ABCD3: variants seen among roughly 807,000 people sequenced by gnomAD.
The protein encoded by ABCD3 is ATP-binding cassette sub-family D member 3.
In ABCD3, 41 loss-of-function variants were observed where a neutral mutation model predicts 105.5. The ratio of observed to expected loss-of-function variants is 0.39; its 90% CI spans 0.30 to 0.50. The LOEUF (loss-of-function observed/expected upper bound fraction) is 0.50, where lower values mean the gene tolerates loss of function less well. ABCD3 is among the 20% of genes least tolerant of loss of function. The pLI is 0.84. For missense variants in ABCD3, 622 were observed against 806.3 expected (o/e 0.77, Z 2.77); for synonymous variants, 258 against 269.0 (o/e 0.96, Z 0.40).
intron 1 of ABCD3, among the ~76,000 whole-genome samples, chr1:94,433,151 C>A (rs376159055): frequency 2.4e-4 from 36 of 150,818 alleles, no homozygotes; most frequent in African/African-American, 8.8e-4. Context: ...CCACAACGCC[C>A]AGCCTTTTTT....
At chr1:94,390,892 T>C in the ABCD3 span, among the ~76,000 whole-genome samples, 1 of 152,204 alleles carries the variant, frequency 6.6e-6, no homozygotes. Context: ...CATCTATCAC[T>C]TGGCTTCTCT....
chr1:94,441,292 TTAATC>T (rs1660125100), intron 1 of ABCD3, among the ~76,000 whole-genome samples: 2 of 152,174 alleles, frequency 1.3e-5, no homozygotes, highest in Non-Finnish European at 2.9e-5. Flanking sequence ...AAATGCAAAT[TTAATC>T]TATACTAAGA....
At chr1:94,497,093 T>C (rs1649860237) in intron 16 of ABCD3, among the ~76,000 whole-genome samples, 1 of 152,126 alleles carries the variant, frequency 6.6e-6, no homozygotes. Flanking sequence ...TTCAATAAAG[T>C]CTGCTCTGAC....
rs555889017 is a variant in ABCD3, at chr1:94,486,619, C to T, written c.898-923C>T. Among the ~76,000 whole-genome samples, 352 of 152,206 alleles carry T rather than the reference C, an allele frequency of 2.3e-3. 3 individuals are homozygous for T. The highest frequency in any genetic ancestry group is 2.0e-3 in the Non-Finnish European group (137 of 68,004). On this transcript the variant is annotated intron_variant, in intron 10 of 22. Coordinates refer to ENST00000370214, the MANE Select transcript of ABCD3 (RefSeq NM_002858.4). ...GTATAATTTCAGGTAGTAATGAATT[C>T]GGTGGCCAAAAATGAAGCAGGATAA...
the ABCD3 span, among the ~76,000 whole-genome samples, chr1:94,404,849 G>T: frequency 6.7e-6 from 1 of 148,628 alleles, no homozygotes; most frequent in Non-Finnish European, 1.5e-5. Flanking sequence ...TCAGTTCCTA[G>T]AAATCTTCCC....
At chr1:94,386,757 G>T in the ABCD3 span, among the ~76,000 whole-genome samples, 2 of 152,194 alleles carry the variant, frequency 1.3e-5, no homozygotes, top group African/African-American at 2.4e-5. Context: ...AGAAGGCTGA[G>T]GCCAGGAGGA....
At chr1:94,447,979 C>T (rs1660422171) in intron 1 of ABCD3, among the ~76,000 whole-genome samples, 1 of 152,154 alleles carries the variant, frequency 6.6e-6, no homozygotes, top group African/African-American at 2.4e-5. Context: ...TGGCAATTAA[C>T]AAAAGAAGCT....
chr1:94,466,986 T>C (rs139750462), intron 3 of ABCD3, among the ~76,000 whole-genome samples: 68 of 152,302 alleles, frequency 4.5e-4, no homozygotes, highest in African/African-American at 1.5e-3. Flanking sequence ...GGGGTTGGGG[T>C]GGCAGGATTC....
chr1:94,399,235 C>T, the ABCD3 span, among the ~76,000 whole-genome samples: 2 of 152,188 alleles, frequency 1.3e-5, no homozygotes, highest in African/African-American at 4.8e-5. Context: ...AGGAGATTAG[C>T]AGTCAACTTG....
upstream of ABCD3, among the ~76,000 whole-genome samples, chr1:94,414,337 A>T (rs944060082): frequency 1.3e-5 from 2 of 152,002 alleles, no homozygotes; most frequent in Non-Finnish European, 2.9e-5. Context: ...CAATGTAAAA[A>T]TTTTCTTCCT....
Position 94,518,575 on chromosome 1 carries a change from G to A in ABCD3, c.*1446G>A, listed in dbSNP as rs2101079936. On this transcript the variant is annotated 3_prime_UTR_variant, in exon 23 of 23. Coordinates refer to ENST00000370214, the MANE Select transcript of ABCD3 (RefSeq NM_002858.4). The stretch of plus-strand genomic sequence containing the variant: ...TATTCTGGTATCTAAATACTGAGAA[G>A]TTCATTTATAATTCAGCCTTGACTT... The A allele has an allele frequency of 6.7e-6, 1 of 150,234 alleles. No homozygotes were observed. Among genetic ancestry groups the A allele is most frequent in the Admixed American group, 6.7e-5 (1 of 14,958 alleles). The allele number at this position is 150,234 out of a possible 1,614,324, so 9.3% of individuals were successfully genotyped here.
upstream of ABCD3, among the ~76,000 whole-genome samples, chr1:94,415,013 G>C (rs769014402): frequency 2.0e-5 from 3 of 152,190 alleles, no homozygotes; most frequent in Non-Finnish European, 2.9e-5. Context: ...CCACTCCCAT[G>C]GCTAGCAAGC....
At chr1:94,405,876 T>A in the ABCD3 span, among the ~76,000 whole-genome samples, 1 of 152,180 alleles carries the variant, frequency 6.6e-6, no homozygotes, top group Admixed American at 6.5e-5. Flanking sequence ...TTCTAGTTTG[T>A]TGTTTGCCTT....
intron 1 of ABCD3, among the ~76,000 whole-genome samples, chr1:94,444,218 G>A (rs1270000720): frequency 1.3e-5 from 2 of 151,344 alleles, no homozygotes; most frequent in Non-Finnish European, 2.9e-5. Flanking sequence ...TGTAGTCCAA[G>A]CTACTTAGGA....
chr1:94,395,104 C>G, the ABCD3 span, among the ~76,000 whole-genome samples: 2 of 152,152 alleles, frequency 1.3e-5, no homozygotes, highest in African/African-American at 4.8e-5. Context: ...CCTTGGGTAT[C>G]CTCCTGAACC....
chr1:94,515,289 G>A, intron 22 of ABCD3, 87 bp downstream of exon 22: 4 of 1,126,266 alleles, frequency 3.6e-6, no homozygotes, highest in Non-Finnish European at 5.3e-6. Flanking sequence ...AGATTTTATG[G>A]TTTGTATTCC....
intron 20 of ABCD3, among the ~76,000 whole-genome samples, chr1:94,505,844 G>A (rs1253994367): frequency 6.6e-6 from 1 of 152,082 alleles, no homozygotes; most frequent in Non-Finnish European, 1.5e-5. Context: ...ATAGAAGAGT[G>A]CCCCATTGGT....
the ABCD3 span, among the ~76,000 whole-genome samples, chr1:94,398,487 GT>G: frequency 6.6e-6 from 1 of 152,138 alleles, no homozygotes; most frequent in Non-Finnish European, 1.5e-5. Context: ...ACAGTTTTCA[GT>G]AAAAACACTG....
intron 7 of ABCD3, 114 bp downstream of exon 7, chr1:94,475,851 T>C: frequency 3.7e-6 from 3 of 819,992 alleles, no homozygotes; most frequent in Non-Finnish European, 3.8e-6. Flanking sequence ...AAATATTTAA[T>C]GCTTTTATAA....
Sources: allele counts gnomAD v4.1 joint callset (sites outside exome capture counted in the v4.1 genomes callset), GRCh38; gene constraint gnomAD v4.1.1; transcripts MANE v1.5; gene names NCBI Gene and HGNC (gene_info 2026-07-23, HGNC 2026-07-21).